The following TNRC6A variants were observed in gnomAD, a reference collection of about 807,000 sequenced individuals.
The protein encoded by TNRC6A is trinucleotide repeat-containing gene 6A protein.
TNRC6A carries 44 observed loss-of-function variants against 221.2 expected under a neutral mutation model. The observed-to-expected ratio is 0.20, with a 90% CI of 0.16 to 0.26. The LOEUF (loss-of-function observed/expected upper bound fraction) is 0.26, where lower values mean the gene tolerates loss of function less well. TNRC6A is among the 10% of genes least tolerant of loss of function. TNRC6A has a pLI of 1.00. For synonymous variants in TNRC6A, 847 were observed against 838.5 expected (o/e 1.01, Z -0.18); for missense variants, 2,199 against 2,404.4 (o/e 0.91, Z 1.79).
At chr16:24,677,978 C>T (rs557491843) in intron 2 of TNRC6A, among the ~76,000 whole-genome samples, 3 of 152,146 alleles carry the variant, frequency 2.0e-5, no homozygotes, top group East Asian at 1.9e-4. Context: ...CTCCCCATGA[C>T]GTGAGTGTGG....
intron 2 of TNRC6A, among the ~76,000 whole-genome samples, chr16:24,711,269 A>G (rs1596531236): frequency 6.6e-6 from 1 of 152,096 alleles, no homozygotes; most frequent in South Asian, 2.1e-4. Context: ...CGGCCTCCCA[A>G]ATTGCTGGGA....
Position 24,729,877 on chromosome 16 carries a change from G to T in TNRC6A, c.5+31G>T, listed in dbSNP as rs1324562463. ...CGGAACAAGGGCCTCCCTCCGGGCG[G>T]GAGGAGCCGCGGGCGCTGCCGCAGG... On this transcript the variant is annotated intron_variant, in intron 1 of 24. Transcript: ENST00000395799. The T allele has an allele frequency of 5.5e-6, 7 of 1,264,456 alleles. No homozygotes were observed. The East Asian group carries it at 2.0e-4, about 36-fold the overall frequency. 78.3% of individuals were successfully genotyped at this position (1,264,456 alleles called of 1,614,324 possible).
At chr16:24,621,531 T>C (rs1236272226) in intron 1 of TNRC6A, among the ~76,000 whole-genome samples, 1 of 151,870 alleles carries the variant, frequency 6.6e-6, no homozygotes, top group African/African-American at 2.4e-5. Flanking sequence ...CTAATTTTTG[T>C]ATTTTTAGTA....
Position 24,777,087 on chromosome 16 carries a change from G to GCAGCAGCCA in TNRC6A, c.326_334dup (p.Pro109_Gln111dup), listed in dbSNP as rs758965186. ...AGCAGCAACAGCAGCAGCCGCAGCA[G>GCAGCAGCCA]CAGCAGCCACAGCAGCAGCCACAGC... is the stretch of plus-strand genomic sequence containing the variant. On this transcript the variant is annotated inframe_insertion, in exon 5 of 25. Transcript: ENST00000395799. The GCAGCAGCCA allele has an allele frequency of 1.2e-6, 2 of 1,609,152 alleles. No homozygotes were observed. Among genetic ancestry groups the GCAGCAGCCA allele is most frequent in the Admixed American group, 3.4e-5 (2 of 59,624 alleles).
chr16:24,786,719 G>A (rs1015943585), intron 5 of TNRC6A, among the ~76,000 whole-genome samples: 1 of 148,234 alleles, frequency 6.7e-6, no homozygotes, highest in African/African-American at 2.5e-5. Flanking sequence ...GTCTCACTCT[G>A]TTGCCAGGCT....
intron 2 of TNRC6A, among the ~76,000 whole-genome samples, chr16:24,644,307 T>C (rs1902162256): frequency 6.6e-6 from 1 of 151,448 alleles, no homozygotes; most frequent in Non-Finnish European, 1.5e-5. Context: ...GCTTGTTTTG[T>C]TTTTTGAGAC....
At chr16:24,775,402 A>T (rs7194696) in intron 4 of TNRC6A, among the ~76,000 whole-genome samples, 94,892 of 151,902 alleles carry the variant, frequency 0.62, 30,443 homozygotes, top group African/African-American at 0.78. Flanking sequence ...GGAAAAAAAA[A>T]AAGAGGCTAA....
At chr16:24,691,175 T>C (rs2055748897) in intron 2 of TNRC6A, among the ~76,000 whole-genome samples, 1 of 152,048 alleles carries the variant, frequency 6.6e-6, no homozygotes, top group Non-Finnish European at 1.5e-5. Context: ...GTAAAGATAG[T>C]TAAGCCTGCT....
rs987047935 is a variant in TNRC6A, at chr16:24,818,780, G to A, written c.5080+80G>A. 2.1e-5 allele frequency: 22 copies of A among 1,055,038 alleles called. No homozygotes were observed. In the Admixed American group the frequency reaches 2.5e-4, roughly 12 times the overall value. The allele number at this position is 1,055,038 out of a possible 1,614,324, so 65.4% of individuals were successfully genotyped here. On this transcript the variant is annotated intron_variant, in intron 21 of 24. Coordinates refer to ENST00000395799, the MANE Select transcript of TNRC6A (RefSeq NM_014494.4). Reference sequence around the variant, plus strand: ...TGTTGTTTTAATGCCCTCTTCTTTCGTCCAGTCTTCTCAGGGAATTAGGAG... The same window carrying A: ...TGTTGTTTTAATGCCCTCTTCTTTCATCCAGTCTTCTCAGGGAATTAGGAG...
In TNRC6A at chr16:24,729,666, C is replaced by A. The variant is rs2056561854; in HGVS notation, c.-176C>A. 2 of 637,436 alleles carry A rather than the reference C, an allele frequency of 3.1e-6. No homozygotes were observed. 39.5% of individuals were successfully genotyped at this position (637,436 alleles called of 1,614,324 possible). A position where few individuals can be genotyped will look rare whatever the true frequency, so the allele number is the denominator to read the frequency against. Reference sequence around the variant, plus strand: ...TGGGGCATTCACTTCCGGTCTGGGGCCTGCGGCGGCGGCGGTGTCGGCGGC... The same window carrying A: ...TGGGGCATTCACTTCCGGTCTGGGGACTGCGGCGGCGGCGGTGTCGGCGGC... On this transcript the variant is annotated 5_prime_UTR_variant, in exon 1 of 25. Transcript: ENST00000395799.
At chr16:24,675,659 ACTCTCT>A (rs71381700) in intron 2 of TNRC6A, among the ~76,000 whole-genome samples, 378 of 37,416 alleles carry the variant, frequency 0.01, 7 homozygotes, top group Non-Finnish European at 0.013. Flanking sequence ...CCAGCCAGAG[ACTCTCT>A]CTCTCTCTCT....
intron 2 of TNRC6A, among the ~76,000 whole-genome samples, chr16:24,652,644 CAT>C (rs1902736545): frequency 6.6e-6 from 1 of 152,108 alleles, no homozygotes; most frequent in African/African-American, 2.4e-5. Flanking sequence ...CCCATAAATA[CAT>C]ATGTTGATTA....
intron 2 of TNRC6A, among the ~76,000 whole-genome samples, chr16:24,715,730 G>A (rs939376749): frequency 6.7e-6 from 1 of 150,008 alleles, no homozygotes; most frequent in Admixed American, 6.7e-5. Flanking sequence ...TGATTCTTCT[G>A]CTTCTGCCTC....
chr16:24,654,678 C>A (rs1902864010), intron 2 of TNRC6A, among the ~76,000 whole-genome samples: 1 of 151,830 alleles, frequency 6.6e-6, no homozygotes, highest in Admixed American at 6.6e-5. Flanking sequence ...GAGATCGCAC[C>A]ACTGCACTCC....
chr16:24,622,210 A>G (rs1273593315), intron 1 of TNRC6A, among the ~76,000 whole-genome samples: 1 of 152,180 alleles, frequency 6.6e-6, no homozygotes, highest in African/African-American at 2.4e-5. Context: ...TCTAGAGCCT[A>G]GGAACTCAAG....
At chr16:24,704,967 T>A (rs377575017) in intron 2 of TNRC6A, among the ~76,000 whole-genome samples, 3 of 152,050 alleles carry the variant, frequency 2.0e-5, no homozygotes, top group Non-Finnish European at 4.4e-5. Flanking sequence ...AACGAGACCC[T>A]GTCTCTACAA....
chr16:24,789,956 A>T lies in TNRC6A; in HGVS notation c.1314A>T (p.Ser438=), dbSNP rs1181717666. The change falls in exon 6 of 25, where the codon TCA becomes TCT. Residue 438 remains serine (S), a synonymous_variant. Coordinates refer to ENST00000395799, the MANE Select transcript of TNRC6A (RefSeq NM_014494.4). The stretch of plus-strand genomic sequence containing the variant: ...AAGTAAGTGGTACACAGAAGGTTTC[A>T]TTCAGTGGTCAACCTCAAAATATTA... ...ESEVSGTQKV[S]FSGQPQNITT... is the part of the protein sequence containing the mutation. 1 of 1,614,012 alleles carries T rather than the reference A, an allele frequency of 6.2e-7. No homozygotes were observed. The highest frequency in any genetic ancestry group is 2.2e-5 in the East Asian group (1 of 44,902).
intron 5 of TNRC6A, among the ~76,000 whole-genome samples, chr16:24,780,340 C>T (rs556377071): frequency 1.8e-4 from 28 of 152,236 alleles, no homozygotes; most frequent in African/African-American, 6.3e-4. Flanking sequence ...AACATTATGG[C>T]ACTTCAACTT....
chr16:24,620,355 G>C (rs975643242), intron 1 of TNRC6A, among the ~76,000 whole-genome samples: 2 of 152,178 alleles, frequency 1.3e-5, no homozygotes, highest in Non-Finnish European at 2.9e-5. Flanking sequence ...CACATGGGAA[G>C]GTCTCAGTAG....
Sources: allele counts gnomAD v4.1 joint callset (sites outside exome capture counted in the v4.1 genomes callset), GRCh38; gene constraint gnomAD v4.1.1; transcripts MANE v1.5; gene names NCBI Gene and HGNC (gene_info 2026-07-23, HGNC 2026-07-21).